NHS: variants seen among roughly 807,000 people sequenced by gnomAD.
NHS encodes the protein NHS actin remodeling regulator, also known as actin remodeling regulator NHS.
NHS carries 5 observed loss-of-function variants against 72.5 expected under a neutral mutation model. That is an observed-to-expected ratio of 0.07 (90% confidence interval 0.04 to 0.14). NHS has a LOEUF of 0.14. NHS is among the 10% of genes least tolerant of loss of function. The pLI, the probability that NHS is intolerant of heterozygous loss-of-function variation, is 1.00. For synonymous variants in NHS, 464 were observed against 547.7 expected, an observed-to-expected ratio of 0.85 and a Z score of 2.13; for missense variants, 1,072 against 1,355.7, an observed-to-expected ratio of 0.79 and a Z score of 3.29.
intron 1 of NHS, among the ~76,000 whole-genome samples, chrX:17,685,182 A>C (rs1362447745): frequency 1.8e-5 from 2 of 111,723 alleles, no homozygotes; most frequent in East Asian, 5.6e-4. Flanking sequence ...TGGACACGTA[A>C]TACTAGTTAA....
intron 3 of NHS, among the ~76,000 whole-genome samples, chrX:17,713,070 C>A (rs1164366339): frequency 9.0e-6 from 1 of 111,621 alleles, no homozygotes; most frequent in East Asian, 2.8e-4. Flanking sequence ...AAGACAAGAG[C>A]ACAATGCCAA....
At chrX:17,445,945 A>G (rs188231763) in intron 1 of NHS, among the ~76,000 whole-genome samples, 2 of 110,063 alleles carry the variant, frequency 1.8e-5, no homozygotes, top group African/African-American at 6.6e-5. Context: ...CTCTAATTAG[A>G]TGTCCTGGGT....
chrX:17,582,997 G>A (rs1341431024), intron 1 of NHS, among the ~76,000 whole-genome samples: 2 of 111,788 alleles, frequency 1.8e-5, no homozygotes, highest in African/African-American at 6.5e-5. Context: ...CCAACCTACT[G>A]ATTGAGTCAT....
chrX:17,675,331 T>G (rs1378875262), intron 1 of NHS, among the ~76,000 whole-genome samples: 1 of 112,639 alleles, frequency 8.9e-6, no homozygotes, highest in Non-Finnish European at 1.9e-5. Flanking sequence ...AGAAAATAGA[T>G]CAATTATAAA....
intron 1 of NHS, among the ~76,000 whole-genome samples, chrX:17,434,883 A>T (rs1413583425): frequency 1.8e-5 from 2 of 111,988 alleles, no homozygotes; most frequent in East Asian, 5.6e-4. Context: ...TGAATGAACA[A>T]ATTCCATATA....
At chrX:17,679,834 A>G (rs1197099201) in intron 1 of NHS, among the ~76,000 whole-genome samples, 1 of 92,803 alleles carries the variant, frequency 1.1e-5, no homozygotes, top group East Asian at 4.1e-4. Context: ...ATACCCAGCT[A>G]TCTATCTTTA....
intron 1 of NHS, among the ~76,000 whole-genome samples, chrX:17,442,387 T>A (rs1433654677): frequency 8.9e-6 from 1 of 112,010 alleles, no homozygotes; most frequent in East Asian, 2.8e-4. Flanking sequence ...TATGGCAGAT[T>A]TGGCAGGTTT....
chrX:17,396,327 C>T (rs934574784), intron 1 of NHS, among the ~76,000 whole-genome samples: 4 of 110,534 alleles, frequency 3.6e-5, no homozygotes, highest in African/African-American at 9.8e-5. Flanking sequence ...TCTTTTTTAC[C>T]GTATTATCCT....
At chrX:17,433,184 C>T (rs1474936419) in intron 1 of NHS, among the ~76,000 whole-genome samples, 4 of 103,649 alleles carry the variant, frequency 3.9e-5, no homozygotes, top group Admixed American at 3.1e-4. Context: ...CGCCCGCCAC[C>T]ACGCCCGGCT....
intron 1 of NHS, among the ~76,000 whole-genome samples, chrX:17,385,342 C>T (rs1327866320): frequency 9.1e-6 from 1 of 110,452 alleles, no homozygotes; most frequent in Admixed American, 9.7e-5. Context: ...GGTGAAACCC[C>T]ATCTCTACAA....
At chrX:17,433,745 C>T (rs1459940533) in intron 1 of NHS, among the ~76,000 whole-genome samples, 1 of 111,932 alleles carries the variant, frequency 8.9e-6, no homozygotes, top group Non-Finnish European at 1.9e-5. Context: ...AGCTGTGTGC[C>T]TGAAAAACAG....
intron 1 of NHS, among the ~76,000 whole-genome samples, chrX:17,628,049 G>A (rs1426177969): frequency 8.8e-6 from 1 of 113,247 alleles, no homozygotes; most frequent in Non-Finnish European, 1.9e-5. Flanking sequence ...GAAAGGAAGA[G>A]GAAGTGCCAG....
chrX:17,432,883 G>A (rs2064700358), intron 1 of NHS, among the ~76,000 whole-genome samples: 1 of 111,819 alleles, frequency 8.9e-6, no homozygotes, highest in African/African-American at 3.3e-5. Flanking sequence ...GAAGAGGTGG[G>A]CGACAGTGGG....
chrX:17,419,973 C>T (rs1202914093), intron 1 of NHS, among the ~76,000 whole-genome samples: 1 of 111,693 alleles, frequency 9.0e-6, no homozygotes, highest in Non-Finnish European at 1.9e-5. Flanking sequence ...ATTGTATTAA[C>T]TGTGACTTTC....
intron 1 of NHS, among the ~76,000 whole-genome samples, chrX:17,558,509 G>C (rs1386184915): frequency 1.8e-5 from 2 of 112,320 alleles, no homozygotes; most frequent in Non-Finnish European, 3.8e-5. Flanking sequence ...GGAACAGTAA[G>C]ACGTACATGG....
intron 1 of NHS, among the ~76,000 whole-genome samples, chrX:17,388,746 G>T (rs1479490031): frequency 2.7e-5 from 3 of 110,075 alleles, no homozygotes; most frequent in Non-Finnish European, 5.7e-5. Flanking sequence ...GGAGAAACAT[G>T]ATTGATTTAG....
At chrX:17,695,944 G>C (rs1472782173) in intron 3 of NHS, among the ~76,000 whole-genome samples, 1 of 82,260 alleles carries the variant, frequency 1.2e-5, no homozygotes, top group Non-Finnish European at 2.0e-5. Context: ...AAAAAAAAAG[G>C]GGGGGGGTAT....
chrX:17,380,755 A>G (rs903953658), intron 1 of NHS, among the ~76,000 whole-genome samples: 1 of 111,811 alleles, frequency 8.9e-6, no homozygotes, highest in African/African-American at 3.3e-5. Flanking sequence ...AGGTATTGAT[A>G]TTTTAGGCAT....
At chrX:17,445,450 GC>G (rs1403904606) in intron 1 of NHS, among the ~76,000 whole-genome samples, 1 of 110,760 alleles carries the variant, frequency 9.0e-6, no homozygotes, top group African/African-American at 3.3e-5. Flanking sequence ...TGTGTGTCTG[GC>G]TTTTTCCATT....
Sources: gnomAD v4.1 joint callset for allele counts (sites outside exome capture counted in the v4.1 genomes callset) on GRCh38, gnomAD v4.1.1 for gene constraint, MANE v1.5 for transcripts, NCBI Gene and HGNC (gene_info 2026-07-23, HGNC 2026-07-21) for gene names.